Variants in CCSER1 observed in about 807,000 individuals in gnomAD.
CCSER1 encodes serine-rich coiled-coil domain-containing protein 1.
In CCSER1, 41 loss-of-function variants were observed where a neutral mutation model predicts 82.0. The ratio of observed to expected loss-of-function variants is 0.50; its 90% CI spans 0.39 to 0.65. The LOEUF (loss-of-function observed/expected upper bound fraction) is 0.65. Among genes scored for constraint, CCSER1 ranks in the 30% least tolerant of loss-of-function variants. The pLI, the probability that CCSER1 is intolerant of heterozygous loss-of-function variation, is 0.00. For synonymous variants in CCSER1, 414 were observed against 383.9 expected (o/e 1.08, Z -0.92); for missense variants, 1,119 against 1,064.2 (o/e 1.05, Z -0.72).
intron 6 of CCSER1, among the ~76,000 whole-genome samples, chr4:90,685,455 A>G (rs536740029): frequency 2.0e-5 from 3 of 152,306 alleles, no homozygotes; most frequent in South Asian, 4.1e-4. Context: ...TTAGAGTGCC[A>G]ATCAAAGACA....
intron 10 of CCSER1, among the ~76,000 whole-genome samples, chr4:91,380,460 G>A (rs1031197523): frequency 6.6e-6 from 1 of 152,166 alleles, no homozygotes; most frequent in African/African-American, 2.4e-5. Flanking sequence ...ATTTAGGATA[G>A]TTAGCTCTAC....
intron 1 of CCSER1, among the ~76,000 whole-genome samples, chr4:90,284,612 G>A (rs577116848): frequency 2.6e-5 from 4 of 151,410 alleles, no homozygotes; most frequent in Admixed American, 2.6e-4. Context: ...TCCCATCTTA[G>A]CTTCTGGAGT....
At chr4:90,453,488 GTC>G (rs1761762130) in intron 4 of CCSER1, among the ~76,000 whole-genome samples, 1 of 152,188 alleles carries the variant, frequency 6.6e-6, no homozygotes, top group Admixed American at 6.5e-5. Flanking sequence ...AGAGGATATT[GTC>G]TCTGGTTAGA....
At chr4:91,558,622 G>A (rs78490980) in intron 10 of CCSER1, among the ~76,000 whole-genome samples, 9,995 of 151,582 alleles carry the variant, frequency 0.066, 354 homozygotes, top group Middle Eastern at 0.095. Flanking sequence ...GGCTGGGGAG[G>A]ACTCAGAATT....
intron 1 of CCSER1, among the ~76,000 whole-genome samples, chr4:90,234,875 T>G (rs546920624): frequency 1.1e-4 from 17 of 152,178 alleles, no homozygotes; most frequent in Non-Finnish European, 2.2e-4. Context: ...TATGGCTGGC[T>G]GTAAGTTCCA....
At chr4:90,886,706 G>A (rs115491760) in intron 8 of CCSER1, among the ~76,000 whole-genome samples, 4 of 152,210 alleles carry the variant, frequency 2.6e-5, no homozygotes, top group Admixed American at 6.5e-5. Context: ...AAGTTGAAAC[G>A]CAAAGAGGTT....
intron 5 of CCSER1, among the ~76,000 whole-genome samples, chr4:90,623,091 A>C (rs549613334): frequency 2.1e-5 from 3 of 145,438 alleles, no homozygotes; most frequent in African/African-American, 7.7e-5. Context: ...GCAGTGGCGC[A>C]ATCTCGGCTT....
chr4:90,181,495 C>T (rs1335823127), intron 1 of CCSER1, among the ~76,000 whole-genome samples: 6 of 151,852 alleles, frequency 4.0e-5, no homozygotes, highest in African/African-American at 1.2e-4. Context: ...CAACCCATCT[C>T]AAGAGAGGAC....
At chr4:90,218,339 A>G (rs1368730096) in intron 1 of CCSER1, among the ~76,000 whole-genome samples, 1 of 152,150 alleles carries the variant, frequency 6.6e-6, no homozygotes, top group Non-Finnish European at 1.5e-5. Context: ...AGTATTTTGT[A>G]TAGTATTTAA....
At chr4:90,754,447 C>T (rs932805085) in intron 7 of CCSER1, among the ~76,000 whole-genome samples, 1 of 152,076 alleles carries the variant, frequency 6.6e-6, no homozygotes, top group African/African-American at 2.4e-5. Context: ...TGATGATACT[C>T]AGTTATCTGG....
chr4:90,734,742 A>G (rs144198250), intron 7 of CCSER1, among the ~76,000 whole-genome samples: 3,461 of 152,152 alleles, frequency 0.023, 59 homozygotes, highest in Non-Finnish European at 0.038. Flanking sequence ...AGGTTTTTCC[A>G]CATATAAGGT....
intron 9 of CCSER1, chr4:90,938,706 T>G (rs1381486694): frequency 4.9e-6 from 2 of 409,318 alleles, no homozygotes; most frequent in Admixed American, 5.0e-5. Flanking sequence ...CACTGAAGGT[T>G]TATTTAAACC....
At chr4:91,223,459 A>G (rs760543227) in intron 10 of CCSER1, among the ~76,000 whole-genome samples, 1 of 152,164 alleles carries the variant, frequency 6.6e-6, no homozygotes, top group South Asian at 2.1e-4. Flanking sequence ...ATTTTAGCAT[A>G]TGATAGGAAG....
chr4:91,367,631 A>G lies in CCSER1; in HGVS notation c.2218-230941A>G, dbSNP rs115416069. ...TCCTTTTGTAATCTTGTCTCATACA[A>G]AGAACATCATGTCCACTCTCTACAC... On this transcript the variant is annotated intron_variant, in intron 10 of 10. Coordinates refer to ENST00000509176, the MANE Select transcript of CCSER1 (RefSeq NM_001145065.2). Among the ~76,000 whole-genome samples the G allele has an allele frequency of 6.0e-3, 911 of 152,146 alleles. 12 individuals carry two copies. Among genetic ancestry groups the G allele is most frequent in the African/African-American group, 0.02 (849 of 41,476 alleles).
chr4:91,449,676 A>C (rs989753863), intron 10 of CCSER1, among the ~76,000 whole-genome samples: 1 of 152,016 alleles, frequency 6.6e-6, no homozygotes, highest in East Asian at 1.9e-4. Context: ...ATCACTTTTC[A>C]GTCCCTAATA....
At chr4:90,161,753 A>C (rs1190301299) in intron 1 of CCSER1, among the ~76,000 whole-genome samples, 1 of 152,180 alleles carries the variant, frequency 6.6e-6, no homozygotes, top group Non-Finnish European at 1.5e-5. Flanking sequence ...AATAGAATGA[A>C]CTAACAAATT....
intron 10 of CCSER1, among the ~76,000 whole-genome samples, chr4:91,139,693 G>C (rs1407693171): frequency 6.6e-6 from 1 of 152,030 alleles, no homozygotes; most frequent in African/African-American, 2.4e-5. Flanking sequence ...TTTAAGAGTA[G>C]AGCTGATATG....
At chr4:91,062,854 T>C (rs1744075427) in intron 9 of CCSER1, among the ~76,000 whole-genome samples, 1 of 152,124 alleles carries the variant, frequency 6.6e-6, no homozygotes, top group South Asian at 2.1e-4. Context: ...TCTGAAATAT[T>C]ACATACCCCT....
chr4:90,573,018 C>CTATTGT (rs1780300039), intron 5 of CCSER1, among the ~76,000 whole-genome samples: 1 of 152,194 alleles, frequency 6.6e-6, no homozygotes. Flanking sequence ...CATTAGAAAC[C>CTATTGT]TGGGACAATT....
Sources: allele counts gnomAD v4.1 joint callset (sites outside exome capture counted in the v4.1 genomes callset), GRCh38; gene constraint gnomAD v4.1.1; transcripts MANE v1.5; gene names NCBI Gene and HGNC (gene_info 2026-07-23, HGNC 2026-07-21).